Variants in RASGRF2 observed in about 807,000 individuals in gnomAD.
The protein encoded by RASGRF2 is Ras protein specific guanine nucleotide releasing factor 2, also known as ras-specific guanine nucleotide-releasing factor 2.
RASGRF2 carries 76 observed loss-of-function variants against 151.0 expected under a neutral mutation model. The ratio of observed to expected loss-of-function variants is 0.50; its 90% CI spans 0.42 to 0.61. The LOEUF is 0.61. Ranked by LOEUF, RASGRF2 falls within the 20% of genes least tolerant of loss-of-function variation. RASGRF2 has a pLI of 0.00. For synonymous variants in RASGRF2, 504 were observed against 566.5 expected (o/e 0.89, Z 1.57); for missense variants, 1,148 against 1,564.6 (o/e 0.73, Z 4.49).
At chr5:80,975,177 A>G (rs113824913) in intron 1 of RASGRF2, among the ~76,000 whole-genome samples, 3,380 of 152,056 alleles carry the variant, frequency 0.022, 144 homozygotes, top group African/African-American at 0.077. Context: ...TCTGCACGCC[A>G]ATAAAGTGGC....
intron 18 of RASGRF2, among the ~76,000 whole-genome samples, chr5:81,199,907 A>G (rs1755349164): frequency 6.6e-6 from 1 of 150,860 alleles, no homozygotes; most frequent in Non-Finnish European, 1.5e-5. Flanking sequence ...CAAAAAAAAA[A>G]AAAAAAAGAA....
intron 22 of RASGRF2, among the ~76,000 whole-genome samples, chr5:81,210,344 G>A (rs1755604309): frequency 6.6e-6 from 1 of 152,204 alleles, no homozygotes; most frequent in Non-Finnish European, 1.5e-5. Flanking sequence ...ACAGCTGTGT[G>A]GCCAGCTCTC....
At chr5:81,145,042 A>T (rs951063068) in intron 17 of RASGRF2, among the ~76,000 whole-genome samples, 3 of 152,184 alleles carry the variant, frequency 2.0e-5, no homozygotes, top group African/African-American at 7.2e-5. Flanking sequence ...CAGGAATTCC[A>T]GACCAGCTTG....
chr5:81,149,093 A>G (rs1754070941), intron 17 of RASGRF2, among the ~76,000 whole-genome samples: 1 of 152,210 alleles, frequency 6.6e-6, no homozygotes, highest in Non-Finnish European at 1.5e-5. Context: ...AGATTCCTTA[A>G]AGAACTAAAA....
chr5:81,112,577 G>A, intron 13 of RASGRF2, 33 bp from the exon 14 acceptor site: 2 of 1,611,456 alleles, frequency 1.2e-6, no homozygotes. Context: ...CCTCCTCCTG[G>A]TTTTACCATC....
intron 17 of RASGRF2, among the ~76,000 whole-genome samples, chr5:81,138,783 A>T (rs1267803567): frequency 6.7e-6 from 1 of 150,014 alleles, no homozygotes; most frequent in Non-Finnish European, 1.5e-5. Flanking sequence ...TTTTTTCCAG[A>T]GTTTGTGATG....
chr5:81,183,489 C>T (rs1305868302), intron 18 of RASGRF2, among the ~76,000 whole-genome samples: 2 of 152,114 alleles, frequency 1.3e-5, no homozygotes, highest in East Asian at 3.9e-4. Flanking sequence ...CTGGAGCCTT[C>T]TAGTTTTTTC....
At chr5:81,036,230 A>C (rs996819409) in intron 1 of RASGRF2, among the ~76,000 whole-genome samples, 10 of 152,104 alleles carry the variant, frequency 6.6e-5, no homozygotes, top group African/African-American at 2.4e-4. Context: ...TTCTTGGGTT[A>C]TGAATTTTAA....
At chr5:80,988,151 A>G (rs779314235) in intron 1 of RASGRF2, among the ~76,000 whole-genome samples, 40 of 151,618 alleles carry the variant, frequency 2.6e-4, no homozygotes, top group Non-Finnish European at 4.9e-4. Flanking sequence ...CCTGGGCTCA[A>G]TCAATCTTCC....
intron 18 of RASGRF2, among the ~76,000 whole-genome samples, chr5:81,192,129 G>C (rs919121121): frequency 1.1e-4 from 16 of 152,216 alleles, no homozygotes; most frequent in African/African-American, 3.9e-4. Flanking sequence ...TTCTACAAAC[G>C]TTTGAGGGCT....
chr5:81,131,577 A>T (rs1561223252), intron 17 of RASGRF2, among the ~76,000 whole-genome samples: 1 of 149,320 alleles, frequency 6.7e-6, no homozygotes, highest in South Asian at 2.1e-4. Flanking sequence ...TTAGTTTTGA[A>T]CTCCTGGTTT....
intron 1 of RASGRF2, among the ~76,000 whole-genome samples, chr5:81,010,054 G>A (rs570697269): frequency 6.6e-6 from 1 of 152,096 alleles, no homozygotes; most frequent in East Asian, 1.9e-4. Context: ...TACTCGGGAA[G>A]CTGAGGCAGG....
chr5:81,187,863 A>G (rs1755066025), intron 18 of RASGRF2, among the ~76,000 whole-genome samples: 1 of 152,114 alleles, frequency 6.6e-6, no homozygotes, highest in Non-Finnish European at 1.5e-5. Context: ...TTTTTTGTTG[A>G]CTATTTGGCA....
chr5:80,975,464 T>G (rs1301105262), intron 1 of RASGRF2, among the ~76,000 whole-genome samples: 1 of 152,162 alleles, frequency 6.6e-6, no homozygotes, highest in Non-Finnish European at 1.5e-5. Flanking sequence ...AAACTCTTTT[T>G]AAAACAGTGG....
At chr5:81,032,216 A>C (rs1750281106) in intron 1 of RASGRF2, among the ~76,000 whole-genome samples, 1 of 152,206 alleles carries the variant, frequency 6.6e-6, no homozygotes, top group Non-Finnish European at 1.5e-5. Context: ...ATTCTACCAG[A>C]GGTACAAAGA....
At chr5:80,991,963 C>T (rs1332583077) in intron 1 of RASGRF2, among the ~76,000 whole-genome samples, 1 of 152,022 alleles carries the variant, frequency 6.6e-6, no homozygotes, top group African/African-American at 2.4e-5. Context: ...GGAATAATGA[C>T]TCTTTGGATG....
At chr5:80,994,449 C>T (rs1748766261) in intron 1 of RASGRF2, among the ~76,000 whole-genome samples, 1 of 151,716 alleles carries the variant, frequency 6.6e-6, no homozygotes, top group South Asian at 2.1e-4. Context: ...AAATGACGAG[C>T]TGATGGCTTT....
chr5:81,045,272 TC>T, intron 2 of RASGRF2, among the ~76,000 whole-genome samples: 1 of 152,340 alleles, frequency 6.6e-6, no homozygotes, highest in South Asian at 2.1e-4. Context: ...TGTTTTCCTA[TC>T]TTTTTCATTC....
chr5:81,193,115 T>G (rs988470649), intron 18 of RASGRF2, among the ~76,000 whole-genome samples: 1 of 152,210 alleles, frequency 6.6e-6, no homozygotes, highest in Non-Finnish European at 1.5e-5. Flanking sequence ...CTGAGAAAAT[T>G]ACTCTCATAA....
Sources: gnomAD v4.1 joint callset for allele counts (sites outside exome capture counted in the v4.1 genomes callset) on GRCh38, gnomAD v4.1.1 for gene constraint, MANE v1.5 for transcripts, NCBI Gene and HGNC (gene_info 2026-07-23, HGNC 2026-07-21) for gene names.